The following ZBTB2 variants were observed in gnomAD, a reference collection of about 807,000 sequenced individuals.
ZBTB2 encodes the protein zinc finger and BTB domain containing 2.
ZBTB2 carries 2 observed loss-of-function variants against 39.5 expected under a neutral mutation model. The ratio of observed to expected loss-of-function variants is 0.05; its 90% confidence interval spans 0.02 to 0.16. The LOEUF (loss-of-function observed/expected upper bound fraction) is 0.16. Ranked by LOEUF, ZBTB2 falls within the 10% of genes least tolerant of loss-of-function variation. The pLI, the probability that ZBTB2 is intolerant of heterozygous loss-of-function variation, is 1.00. For missense variants in ZBTB2, 391 were observed against 653.0 expected, an observed-to-expected ratio of 0.60 and a Z score of 4.37; for synonymous variants, 251 against 256.6, an observed-to-expected ratio of 0.98 and a Z score of 0.21.
At chr6:151,368,344 T>C (rs571859683) in intron 2 of ZBTB2, among the ~76,000 whole-genome samples, 9 of 152,156 alleles carry the variant, frequency 5.9e-5, no homozygotes, top group Admixed American at 5.9e-4. Flanking sequence ...AGAGACGGGG[T>C]TTCACCATGT....
Position 151,391,514 on chromosome 6 carries a change from T to G in ZBTB2, c.-107A>C, listed in dbSNP as rs1318295210. 1 of 150,038 alleles carries G rather than the reference T, an allele frequency of 6.7e-6. No homozygotes were observed. Among genetic ancestry groups the G allele is most frequent in the Non-Finnish European group, 1.5e-5 (1 of 68,418 alleles). The allele number at this position is 150,038 out of a possible 1,614,324, so 9.3% of individuals were successfully genotyped here. A position where few individuals can be genotyped will look rare whatever the true frequency, so the allele number is the denominator to read the frequency against. On this transcript the variant is annotated 5_prime_UTR_variant, in exon 1 of 3. Coordinates refer to ENST00000325144, the MANE Select transcript of ZBTB2 (RefSeq NM_020861.3). ...TCCCCGCCGCCGCCGCCTCTGCCTC[T>G]CGCTGCTGCTGCTGCTGCTGCCGCC...
chr6:151,389,989 G>A (rs987350482), intron 1 of ZBTB2, among the ~76,000 whole-genome samples: 3 of 151,950 alleles, frequency 2.0e-5, no homozygotes, highest in Non-Finnish European at 4.4e-5. Context: ...CGCCGGCCCC[G>A]GGAAGCAGCC....
intron 1 of ZBTB2, among the ~76,000 whole-genome samples, chr6:151,377,703 C>G (rs1178001817): frequency 6.6e-6 from 1 of 151,858 alleles, no homozygotes; most frequent in Non-Finnish European, 1.5e-5. Context: ...CCATGCCCAG[C>G]TTATTTTTTA....
Position 151,366,170 on chromosome 6 carries a change from G to A in ZBTB2, c.896C>T (p.Ala299Val). Residue 299 changes from alanine to valine, a missense_variant, in exon 3 of 3, where the codon GCA becomes GTA. Ala to Val is a moderately conservative substitution (Grantham distance 64). Coordinates refer to ENST00000325144, the MANE Select transcript of ZBTB2 (RefSeq NM_020861.3). The surrounding 1 kb of genome is among the most constrained non-coding windows in gnomAD (Gnocchi z 7.1). The stretch of plus-strand genomic sequence containing the variant: ...CATGGCATCTTTCCCGAGGTCAGCT[G>A]CATTGCTACAGAGAGTCAGGGGGAC... Reference protein sequence around the residue: ...SRVPLTLCSNAADLGKDAMEV... With the variant: ...SRVPLTLCSNVADLGKDAMEV... 3 of 1,614,176 alleles carry A rather than the reference G, an allele frequency of 1.9e-6. No homozygotes were observed. The highest frequency in any genetic ancestry group is 1.3e-5 in the African/African-American group (1 of 75,038).
chr6:151,385,523 C>T (rs1481242059), intron 1 of ZBTB2, among the ~76,000 whole-genome samples: 1 of 152,166 alleles, frequency 6.6e-6, no homozygotes, highest in Non-Finnish European at 1.5e-5. Flanking sequence ...AATAGGAGAT[C>T]AAAACAGCTT....
At chr6:151,387,816 GCCT>G (rs1562772008) in intron 1 of ZBTB2, among the ~76,000 whole-genome samples, 1 of 152,140 alleles carries the variant, frequency 6.6e-6, no homozygotes, top group African/African-American at 2.4e-5. Flanking sequence ...ATAAATATGA[GCCT>G]CCAAGTTGGC....
In ZBTB2 at chr6:151,369,634, AT is replaced by A. The variant is rs34162564; in HGVS notation, c.174-2743del. On this transcript the variant is annotated intron_variant, in intron 2 of 2. Transcript: ENST00000325144. ...CCACTGCACGCAGCCTTAAAAAAAA[AT>A]TTTTTTTTTTAAAGCAGAAGCACAT... Among the ~76,000 whole-genome samples, 260 of 150,366 alleles carry A rather than the reference AT, an allele frequency of 1.7e-3. 2 individuals carry two copies. The highest frequency in any genetic ancestry group is 5.6e-3 in the African/African-American group (231 of 41,090).
In ZBTB2 at chr6:151,373,843, TAAAAAAAAAAAAAAAAAA is replaced by T. The variant is rs200070063; in HGVS notation, c.-12-212_-12-195del. Among the ~76,000 whole-genome samples, 17 of 45,998 alleles carry T rather than the reference TAAAAAAAAAAAAAAAAAA, an allele frequency of 3.7e-4. 2 individuals carry two copies. In the South Asian group the frequency reaches 0.015, roughly 40 times the overall value. The allele number at this position is 45,998 out of a possible 152,430, so 30.2% of individuals were successfully genotyped here. A position where few individuals can be genotyped will look rare whatever the true frequency, so the allele number is the denominator to read the frequency against. On this transcript the variant is annotated intron_variant, in intron 1 of 2. Transcript: ENST00000325144. ...TGAAGTAGTTATGTCATTATGCCTT[TAAAAAAAAAAAAAAAAAA>T]AAAAAAAAAAAAAAAACCAGATGAT...
intron 1 of ZBTB2, chr6:151,378,199 A>C (rs1405836269): frequency 1.3e-5 from 2 of 152,300 alleles, no homozygotes; most frequent in Non-Finnish European, 2.9e-5. Flanking sequence ...ATATACCCTA[A>C]AATAGACAAA....
intron 1 of ZBTB2, among the ~76,000 whole-genome samples, chr6:151,378,298 T>G (rs1044139019): frequency 1.3e-5 from 2 of 152,180 alleles, no homozygotes; most frequent in Non-Finnish European, 2.9e-5. Context: ...ACGAGTCATA[T>G]CTAAGCACGA....
At chr6:151,385,162 C>T (rs887635818) in intron 1 of ZBTB2, among the ~76,000 whole-genome samples, 1 of 152,188 alleles carries the variant, frequency 6.6e-6, no homozygotes, top group Non-Finnish European at 1.5e-5. Context: ...AATGGGTTTT[C>T]ATGGAATGCC....
intron 1 of ZBTB2, among the ~76,000 whole-genome samples, chr6:151,390,465 C>G (rs1385148779): frequency 1.5e-4 from 22 of 149,962 alleles, no homozygotes; most frequent in Admixed American, 1.4e-3. Context: ...CGCCCCAAGT[C>G]CCGCGGAGTT....
chr6:151,365,476 A>G lies in ZBTB2; in HGVS notation c.*45T>C. 2 of 1,552,634 alleles carry G rather than the reference A, an allele frequency of 1.3e-6. No homozygotes were observed. The highest frequency in any genetic ancestry group is 8.7e-7 in the Non-Finnish European group (1 of 1,151,368). ...TCTGAATTCAGGGAAGGGAGGGAAGATAGTCTTTGTAAAAATGAGAGTTTT... is the reference window on the plus strand; with the variant it reads ...TCTGAATTCAGGGAAGGGAGGGAAGGTAGTCTTTGTAAAAATGAGAGTTTT... On this transcript the variant is annotated 3_prime_UTR_variant, in exon 3 of 3. Transcript: ENST00000325144. This position sits in a 1 kb window ranked among gnomAD's most constrained non-coding sequence, Gnocchi z 5.6.
In ZBTB2 at chr6:151,364,720, A is replaced by G. The variant is rs537465306; in HGVS notation, c.*801T>C. 4.6e-5 allele frequency: 7 copies of G among 152,430 alleles called. No individual in the cohort carries two copies. In the East Asian group the frequency reaches 1.4e-3, roughly 29 times the overall value. 9.4% of individuals were successfully genotyped at this position (152,430 alleles called of 1,614,324 possible). On this transcript the variant is annotated 3_prime_UTR_variant, in exon 3 of 3. Coordinates refer to ENST00000325144, the MANE Select transcript of ZBTB2 (RefSeq NM_020861.3). Reference sequence around the variant, plus strand: ...TCAGAAAGGCAATTTATAGAATAGTACATTCAAATTTGATTTTTAAAACAA... The same window carrying G: ...TCAGAAAGGCAATTTATAGAATAGTGCATTCAAATTTGATTTTTAAAACAA...
chr6:151,366,933 T>C lies in ZBTB2; in HGVS notation c.174-41A>G, dbSNP rs776519380. The C allele has an allele frequency of 6.5e-7, 1 of 1,545,694 alleles. No homozygotes were observed. The highest frequency in any genetic ancestry group is 1.2e-5 in the South Asian group (1 of 80,474). ...AAAAAAATACGTGAGTAAATGCCAG[T>C]CTAGGTGTTAACATAAAGCCTGAAG... On this transcript the variant is annotated intron_variant, in intron 2 of 2. Transcript: ENST00000325144. The surrounding 1 kb of genome is among the most constrained non-coding windows in gnomAD (Gnocchi z 7.1).
chr6:151,386,111 G>A (rs1400754602), intron 1 of ZBTB2, among the ~76,000 whole-genome samples: 1 of 152,112 alleles, frequency 6.6e-6, no homozygotes, highest in African/African-American at 2.4e-5. Flanking sequence ...AGGCAATTCA[G>A]GGACATCTTA....
chr6:151,380,965 CTCTT>C (rs1273181422), intron 1 of ZBTB2, among the ~76,000 whole-genome samples: 2 of 152,218 alleles, frequency 1.3e-5, no homozygotes, highest in Admixed American at 1.3e-4. Context: ...AATCTGCTCC[CTCTT>C]TATTTCCTGG....
At chr6:151,378,192 T>A (rs530757595) in intron 1 of ZBTB2, 1 of 152,136 alleles carries the variant, frequency 6.6e-6, no homozygotes, top group Non-Finnish European at 1.5e-5. Flanking sequence ...TTAACAAATA[T>A]ACCCTAAAAT....
Position 151,366,160 on chromosome 6 carries a change from G to A in ZBTB2, c.906C>T (p.Leu302=), listed in dbSNP as rs1000269012. 3.7e-6 allele frequency: 6 copies of A among 1,614,108 alleles called. No homozygotes were observed. Among genetic ancestry groups the A allele is most frequent in the South Asian group, 1.1e-5 (1 of 91,082 alleles). The change falls in exon 3 of 3, where the codon CTC becomes CTT. Residue 302 remains leucine, a synonymous_variant. Coordinates refer to ENST00000325144, the MANE Select transcript of ZBTB2 (RefSeq NM_020861.3). This position sits in a 1 kb window ranked among gnomAD's most constrained non-coding sequence, Gnocchi z 7.1. ...CAGGCACTTCCATGGCATCTTTCCC[G>A]AGGTCAGCTGCATTGCTACAGAGAG... ...PLTLCSNAAD[L]GKDAMEVPEA... is the part of the protein sequence containing the mutation.
Sources: allele counts gnomAD v4.1 joint callset (sites outside exome capture counted in the v4.1 genomes callset), GRCh38; gene constraint gnomAD v4.1.1; non-coding constraint Gnocchi (gnomAD v3.1); transcripts MANE v1.5; gene names NCBI Gene and HGNC (gene_info 2026-07-23, HGNC 2026-07-21).